KIF1B: variants seen among roughly 807,000 people sequenced by gnomAD.
KIF1B encodes kinesin family member 1B.
KIF1B carries 76 observed loss-of-function variants against 241.9 expected under a neutral mutation model. The ratio of observed to expected loss-of-function variants is 0.31; its 90% confidence interval spans 0.26 to 0.38. KIF1B has a LOEUF of 0.38. KIF1B is among the 10% of genes least tolerant of loss of function. The probability of loss-of-function intolerance (pLI) is 1.00; values close to 1 mark genes in which losing one functional copy is unlikely to be tolerated. For synonymous variants in KIF1B, 750 were observed against 796.7 expected, an observed-to-expected ratio of 0.94 and a Z score of 0.99; for missense variants, 1,622 against 2,271.4, an observed-to-expected ratio of 0.71 and a Z score of 5.81.
At chr1:10,327,694 A>G (rs1227847911) in intron 27 of KIF1B, among the ~76,000 whole-genome samples, 1 of 152,068 alleles carries the variant, frequency 6.6e-6, no homozygotes, top group Non-Finnish European at 1.5e-5. Flanking sequence ...TGCTGAGGTA[A>G]TTTAAATTAC....
At chr1:10,302,323 T>C (rs1245066206) in intron 22 of KIF1B, among the ~76,000 whole-genome samples, 1 of 152,188 alleles carries the variant, frequency 6.6e-6, no homozygotes, top group East Asian at 1.9e-4. Context: ...AAAAAAGCTT[T>C]CTTGTTATCC....
chr1:10,304,133 A>C (rs761661731), intron 22 of KIF1B: 2 of 1,614,030 alleles, frequency 1.2e-6, no homozygotes, highest in African/African-American at 2.7e-5. Context: ...ATAACAGAAG[A>C]TGAGGTTATA....
At chr1:10,231,330 G>A (rs1168036583) in intron 1 of KIF1B, among the ~76,000 whole-genome samples, 1 of 148,548 alleles carries the variant, frequency 6.7e-6, no homozygotes, top group East Asian at 2.0e-4. Context: ...TATACATCAT[G>A]TAACCAAATG....
intron 36 of KIF1B, 54 bp downstream of exon 36, chr1:10,347,881 A>T: frequency 7.2e-7 from 1 of 1,384,056 alleles, no homozygotes; most frequent in African/African-American, 1.4e-5. Flanking sequence ...AAGAATTTAG[A>T]ATAAGAGACG....
rs757683684 is a variant in KIF1B at position 10,258,561 on chromosome 1, C to T, written c.252C>T (p.His84=). Residue 84 remains histidine (H), a synonymous_variant, in exon 4 of 49, where the codon CAC becomes CAT. Transcript: ENST00000676179. The part of the protein sequence containing the change: ...YNDIGKEMLL[H]AFEGYNVCIF... ...ACATTGGCAAGGAAATGCTCTTACA[C>T]GCCTTTGAGGGATATAATGTCTGTA... 42 of 1,613,982 alleles carry T rather than the reference C, an allele frequency of 2.6e-5. No individual in the cohort carries two copies. Among genetic ancestry groups the T allele is most frequent in the East Asian group, 6.7e-5 (3 of 44,896 alleles).
At position 10,337,276 on chromosome 1, in the gene KIF1B, A is replaced by C; in HGVS notation, c.3259+73A>C. On this transcript the variant is annotated intron_variant, in intron 30 of 48. Coordinates refer to ENST00000676179, the MANE Select transcript of KIF1B (RefSeq NM_001365951.3). The surrounding 1 kb of genome is among the most constrained non-coding windows in gnomAD (Gnocchi z 4.0). ...AAAATATTGACCATTATCAAGGGAC[A>C]TAGTGGCCTTCATCAACTAGGAATG... 1 of 1,612,240 alleles carries C rather than the reference A, an allele frequency of 6.2e-7. No individual in the cohort carries two copies. The highest frequency in any genetic ancestry group is 8.5e-7 in the Non-Finnish European group (1 of 1,178,296).
At position 10,347,750 on chromosome 1, in the gene KIF1B, C is replaced by G. The variant is rs1652637832; in HGVS notation, c.3798-11C>G. The G allele has an allele frequency of 4.3e-6, 7 of 1,611,816 alleles. No homozygotes were observed. In the South Asian group the frequency reaches 6.6e-5, roughly 15 times the overall value. On this transcript the variant is annotated splice_polypyrimidine_tract_variant and intron_variant, in intron 35 of 48. Transcript: ENST00000676179. The stretch of plus-strand genomic sequence containing the variant: ...GCACTTAGTTTTTTCTTTTGCGTTT[C>G]TATTTTTTAGGTATATCCCAGCTGT...
intron 5 of KIF1B, among the ~76,000 whole-genome samples, chr1:10,262,625 A>G (rs1648214186): frequency 6.6e-6 from 1 of 152,066 alleles, no homozygotes; most frequent in South Asian, 2.1e-4. Flanking sequence ...CCTTGCCAAC[A>G]TTTTTCTATT....
chr1:10,349,424 G>T (rs1283240784), intron 37 of KIF1B, among the ~76,000 whole-genome samples: 2 of 146,498 alleles, frequency 1.4e-5, no homozygotes, highest in Non-Finnish European at 3.0e-5. Context: ...AACAGAGTGG[G>T]ACTCCGTCTC....
At chr1:10,224,085 T>G (rs1211380491) in intron 1 of KIF1B, among the ~76,000 whole-genome samples, 1 of 151,958 alleles carries the variant, frequency 6.6e-6, no homozygotes, top group Non-Finnish European at 1.5e-5. Context: ...TTACAGCAGG[T>G]GTGAGTCAGA....
intron 15 of KIF1B, among the ~76,000 whole-genome samples, chr1:10,287,989 G>C (rs567512783): frequency 6.6e-6 from 1 of 152,256 alleles, no homozygotes; most frequent in Admixed American, 6.5e-5. Context: ...CCTGTCTGTT[G>C]AAGGTTTTCA....
intron 22 of KIF1B, among the ~76,000 whole-genome samples, chr1:10,313,706 A>G (rs1651172738): frequency 6.7e-6 from 1 of 150,040 alleles, no homozygotes; most frequent in Admixed American, 6.6e-5. Flanking sequence ...GCCCACCACC[A>G]CACCCGGCTA....
In KIF1B at chr1:10,345,256, T is replaced by C. The variant is rs544061935; in HGVS notation, c.3689-589T>C. 2.8e-4 allele frequency among the ~76,000 whole-genome samples: 42 copies of C among 152,338 alleles called. 1 individual carries two copies. The South Asian group carries it at 6.0e-3, about 22-fold the overall frequency. On this transcript the variant is annotated intron_variant, in intron 34 of 48. Transcript: ENST00000676179. ...TTTATAAATGATACCAGTAGTTGGT[T>C]TCCAACTTTGTCCTCACATTGGTAT...
rs1292365073 is a variant in KIF1B, at chr1:10,318,576, G to A, written c.2116-1467G>A. Among the ~76,000 whole-genome samples the A allele has an allele frequency of 4.8e-5, 7 of 147,066 alleles. 1 individual carries two copies. Among genetic ancestry groups the A allele is most frequent in the African/African-American group, 1.1e-4 (4 of 36,720 alleles). On this transcript the variant is annotated intron_variant, in intron 22 of 48. Transcript: ENST00000676179. ...CTCTACTAAAATATAAAAATTAGTC[G>A]GGCATGGTGGCGGGCACCTGTAGTC... is the stretch of plus-strand genomic sequence containing the variant.
At position 10,374,224 on chromosome 1, in the gene KIF1B, T is replaced by C. The variant is rs79992337; in HGVS notation, c.4947-92T>C. On this transcript the variant is annotated intron_variant, in intron 45 of 48. Coordinates refer to ENST00000676179, the MANE Select transcript of KIF1B (RefSeq NM_001365951.3). This position sits in a 1 kb window ranked among gnomAD's most constrained non-coding sequence, Gnocchi z 4.3. ...TGCAGCTGGGGTTTAGGGAGGGCCA[T>C]TGTGTTCCTCCCAGTGAAACAGTAC... 7,366 of 1,347,670 alleles carry C rather than the reference T, an allele frequency of 5.5e-3. 340 individuals carry two copies. The African/African-American group carries it at 0.093, about 17-fold the overall frequency. 83.5% of individuals were successfully genotyped at this position (1,347,670 alleles called of 1,614,324 possible).
intron 15 of KIF1B, among the ~76,000 whole-genome samples, chr1:10,286,966 C>A (rs532769829): frequency 6.6e-6 from 1 of 152,214 alleles, no homozygotes; most frequent in African/African-American, 2.4e-5. Flanking sequence ...GTATGGGAAG[C>A]CCTGGACACC....
At chr1:10,332,609 G>A (rs1187104498) in intron 27 of KIF1B, among the ~76,000 whole-genome samples, 3 of 144,048 alleles carry the variant, frequency 2.1e-5, no homozygotes, top group East Asian at 2.0e-4. Flanking sequence ...TCCGCCTCCC[G>A]GGTTCACGCC....
intron 10 of KIF1B, among the ~76,000 whole-genome samples, chr1:10,273,320 A>T (rs1648901517): frequency 6.6e-6 from 1 of 152,148 alleles, no homozygotes; most frequent in African/African-American, 2.4e-5. Flanking sequence ...TTGGGAGGCC[A>T]AGGCGGGCGG....
chr1:10,308,033 A>C, intron 22 of KIF1B: 1 of 1,059,302 alleles, frequency 9.4e-7, no homozygotes, highest in Non-Finnish European at 1.1e-6. Flanking sequence ...CTGAAAAAAA[A>C]ACAAAACACT....
Sources: gnomAD v4.1 joint callset for allele counts (sites outside exome capture counted in the v4.1 genomes callset) on GRCh38, gnomAD v4.1.1 for gene constraint, Gnocchi (gnomAD v3.1) non-coding constraint, MANE v1.5 for transcripts, NCBI Gene and HGNC (gene_info 2026-07-23, HGNC 2026-07-21) for gene names.